Variants in MCC observed in about 807,000 individuals in gnomAD.
MCC encodes MCC regulator of Wnt signaling pathway, also known as colorectal mutant cancer protein.
MCC carries 90 observed loss-of-function variants against 116.2 expected under a neutral mutation model. The observed-to-expected ratio is 0.77, with a 90% CI of 0.65 to 0.92. The LOEUF is 0.92. MCC is among the 40% of genes least tolerant of loss of function. The probability of loss-of-function intolerance (pLI) is 0.00; values close to 1 mark genes in which losing one functional copy is unlikely to be tolerated. For missense variants in MCC, 1,516 were observed against 1,312.2 expected, an observed-to-expected ratio of 1.16 and a Z score of -2.40; for synonymous variants, 578 against 510.5, an observed-to-expected ratio of 1.13 and a Z score of -1.78.
At chr5:113,165,036 T>C (rs1279927307) in intron 3 of MCC, among the ~76,000 whole-genome samples, 1 of 152,246 alleles carries the variant, frequency 6.6e-6, no homozygotes, top group Non-Finnish European at 1.5e-5. Flanking sequence ...CTACCAAAGC[T>C]GGTGCACCTC....
intron 6 of MCC, among the ~76,000 whole-genome samples, chr5:113,110,972 C>T (rs901888070): frequency 6.6e-6 from 1 of 152,190 alleles, no homozygotes; most frequent in African/African-American, 2.4e-5. Context: ...ACGCCCAACC[C>T]ACAGTGCTCC....
At chr5:113,249,858 C>T (rs143925409) in intron 3 of MCC, among the ~76,000 whole-genome samples, 3 of 152,204 alleles carry the variant, frequency 2.0e-5, no homozygotes, top group Admixed American at 6.5e-5. Flanking sequence ...TCTACCCCCA[C>T]GCCTTTGGTT....
At chr5:113,119,736 CAT>C (rs1450765358) in intron 6 of MCC, among the ~76,000 whole-genome samples, 1 of 151,988 alleles carries the variant, frequency 6.6e-6, no homozygotes, top group Admixed American at 6.6e-5. Flanking sequence ...GGGCAGAGAA[CAT>C]GTGTCAACAC....
intron 3 of MCC, among the ~76,000 whole-genome samples, chr5:113,208,715 A>G (rs551092825): frequency 6.6e-6 from 1 of 152,364 alleles, no homozygotes; most frequent in Admixed American, 6.5e-5. Flanking sequence ...AAATTCAGCT[A>G]GCAAGAGTAT....
chr5:113,050,873 G>A (rs1752438037), intron 15 of MCC, among the ~76,000 whole-genome samples: 1 of 152,222 alleles, frequency 6.6e-6, no homozygotes, highest in African/African-American at 2.4e-5. Context: ...CCAAGGCCAG[G>A]GCCGTGGCCT....
At chr5:113,281,166 G>A (rs760381756) in intron 3 of MCC, among the ~76,000 whole-genome samples, 14 of 152,170 alleles carry the variant, frequency 9.2e-5, no homozygotes, top group Non-Finnish European at 1.0e-4. Context: ...TCGTTGCTAT[G>A]GGGGATATTC....
At chr5:113,160,909 A>G (rs761189777) in intron 3 of MCC, among the ~76,000 whole-genome samples, 6 of 152,208 alleles carry the variant, frequency 3.9e-5, no homozygotes, top group Non-Finnish European at 8.8e-5. Context: ...AAGCCCTTAC[A>G]AACACCTAAC....
At chr5:113,258,967 G>A (rs1765123031) in intron 3 of MCC, among the ~76,000 whole-genome samples, 1 of 152,148 alleles carries the variant, frequency 6.6e-6, no homozygotes, top group Admixed American at 6.5e-5. Flanking sequence ...ACATAATTAT[G>A]CTTTTTGCTA....
intron 7 of MCC, 135 bp from the exon 8 acceptor site, chr5:113,102,080 T>C (rs1470533462): frequency 6.3e-6 from 5 of 799,800 alleles, no homozygotes; most frequent in Non-Finnish European, 1.0e-5. Context: ...ATAGTGATCA[T>C]GACTACAGAC....
chr5:113,469,184 C>G (rs1772005990), intron 1 of MCC, among the ~76,000 whole-genome samples: 1 of 152,162 alleles, frequency 6.6e-6, no homozygotes, highest in South Asian at 2.1e-4. Context: ...CTATTTCCCT[C>G]AGTTCTGCTC....
intron 3 of MCC, among the ~76,000 whole-genome samples, chr5:113,333,844 T>TAC (rs368087327): frequency 0.06 from 3,140 of 52,066 alleles, 766 homozygotes; most frequent in African/African-American, 0.15. Flanking sequence ...TGTATATATG[T>TAC]ATATATGTAC....
intron 8 of MCC, among the ~76,000 whole-genome samples, chr5:113,098,280 T>C (rs977186006): frequency 7.2e-5 from 11 of 152,132 alleles, no homozygotes; most frequent in African/African-American, 2.7e-4. Context: ...TCTGGGGAGC[T>C]CTCAGGGCAC....
chr5:113,348,346 C>A (rs1768182661), intron 2 of MCC, among the ~76,000 whole-genome samples: 1 of 151,948 alleles, frequency 6.6e-6, no homozygotes, highest in Non-Finnish European at 1.5e-5. Flanking sequence ...ATTCAAAAAA[C>A]TGAAATAATA....
At position 113,434,338 on chromosome 5, in the gene MCC, G is replaced by A. The variant is rs766448304; in HGVS notation, c.171-49126C>T. 68 of 1,613,650 alleles carry A rather than the reference G, an allele frequency of 4.2e-5. No homozygotes were observed. The highest frequency in any genetic ancestry group is 8.0e-5 in the African/African-American group (6 of 74,864). ...CAGAAGGTCTTGCTTAATGCCATTC[G>A]ACCACTGTCATCCCGCAGGCAGCGC... On this transcript the variant is annotated intron_variant, in intron 1 of 18. Transcript: ENST00000408903. This position sits in a 1 kb window ranked among gnomAD's most constrained non-coding sequence, Gnocchi z 4.2.
In MCC at chr5:113,082,993, C is replaced by A. The variant is rs1268468714; in HGVS notation, c.1651G>T (p.Ala551Ser). 6.2e-7 allele frequency: 1 copy of A among 1,613,684 alleles called. No homozygotes were observed. Among genetic ancestry groups the A allele is most frequent in the South Asian group, 1.1e-5 (1 of 90,964 alleles). ...ISSIGVSSSVAEHLAHSLQDC... is the reference protein window; with the variant it reads ...ISSIGVSSSVSEHLAHSLQDC... ...TGAAGTGAGTGGGCCAGGTGTTCAGCCACACTGCTGGATACCTGCAAAAAG... is the reference window on the plus strand; with the variant it reads ...TGAAGTGAGTGGGCCAGGTGTTCAGACACACTGCTGGATACCTGCAAAAAG... Residue 551 changes from alanine to serine, a missense_variant, in exon 11 of 19, where the codon GCT becomes TCT. Physicochemically the swap from Ala to Ser is moderately conservative, Grantham distance 99. Coordinates refer to ENST00000408903, the MANE Select transcript of MCC (RefSeq NM_001085377.2).
intron 17 of MCC, among the ~76,000 whole-genome samples, chr5:113,036,973 T>C (rs989505485): frequency 3.3e-5 from 5 of 152,214 alleles, no homozygotes; most frequent in Non-Finnish European, 7.3e-5. Context: ...TTTTATGGAA[T>C]TCTAAGCACA....
chr5:113,336,001 C>T (rs1220611068), intron 3 of MCC, among the ~76,000 whole-genome samples: 1 of 151,374 alleles, frequency 6.6e-6, no homozygotes, highest in Non-Finnish European at 1.5e-5. Flanking sequence ...GCTGGGAAGC[C>T]CAATATTAAG....
At chr5:113,392,646 G>A (rs901738197) in intron 1 of MCC, among the ~76,000 whole-genome samples, 1 of 152,052 alleles carries the variant, frequency 6.6e-6, no homozygotes, top group Non-Finnish European at 1.5e-5. Context: ...TTGAGAAGAG[G>A]TTAACAATAA....
chr5:113,361,981 T>C (rs151302223), intron 2 of MCC, among the ~76,000 whole-genome samples: 81 of 152,314 alleles, frequency 5.3e-4, no homozygotes, highest in Middle Eastern at 6.8e-3. Context: ...GCAGTCTTCC[T>C]GGTTCCCCAG....
Sources: allele counts gnomAD v4.1 joint callset (sites outside exome capture counted in the v4.1 genomes callset), GRCh38; gene constraint gnomAD v4.1.1; non-coding constraint Gnocchi (gnomAD v3.1); transcripts MANE v1.5; gene names NCBI Gene and HGNC (gene_info 2026-07-23, HGNC 2026-07-21).